Variants in HNF1B observed in about 807,000 individuals in gnomAD.
HNF1B encodes HNF1 homeobox B, also known as hepatocyte nuclear factor 1-beta.
Under a neutral mutation model 61.7 loss-of-function variants are expected in HNF1B, and 8 were observed. That is an observed-to-expected ratio of 0.13 (90% CI 0.08 to 0.23). HNF1B has a LOEUF of 0.23. Among genes scored for constraint, HNF1B ranks in the 10% least tolerant of loss-of-function variants. The probability of loss-of-function intolerance (pLI) is 1.00; values close to 1 mark genes in which losing one functional copy is unlikely to be tolerated. For missense variants in HNF1B, 562 were observed against 714.5 expected, an observed-to-expected ratio of 0.79 and a Z score of 2.43; for synonymous variants, 314 against 287.7, an observed-to-expected ratio of 1.09 and a Z score of -0.93.
intron 1 of HNF1B, among the ~76,000 whole-genome samples, chr17:37,739,976 AT>A (rs60510200): frequency 2.3e-4 from 34 of 151,002 alleles, no homozygotes; most frequent in African/African-American, 7.1e-4. Context: ...ATTTATTATT[AT>A]TTTTTTTGAT....
At chr17:37,706,367 T>A (rs2032748686) in intron 5 of HNF1B, among the ~76,000 whole-genome samples, 1 of 152,134 alleles carries the variant, frequency 6.6e-6, no homozygotes, top group Admixed American at 6.6e-5. Context: ...AGGGTTAGGA[T>A]GCACCAGATG....
intron 5 of HNF1B, among the ~76,000 whole-genome samples, chr17:37,707,852 C>A (rs1248235842): frequency 6.6e-6 from 1 of 151,680 alleles, no homozygotes; most frequent in African/African-American, 2.4e-5. Context: ...GACATTTGGG[C>A]ATGGGGGCGG....
chr17:37,726,707 A>G (rs1404562417), intron 4 of HNF1B, among the ~76,000 whole-genome samples: 2 of 152,170 alleles, frequency 1.3e-5, no homozygotes, highest in Non-Finnish European at 2.9e-5. Context: ...AGGGAAGTCA[A>G]GTCCACTGGG....
chr17:37,709,856 G>A (rs1313058705), intron 5 of HNF1B, among the ~76,000 whole-genome samples: 1 of 152,086 alleles, frequency 6.6e-6, no homozygotes, highest in African/African-American at 2.4e-5. Flanking sequence ...ACCTGCTCAG[G>A]CTACACAGCT....
chr17:37,687,394 T>C lies in HNF1B; in HGVS notation c.1654-2A>G. 6.2e-7 allele frequency: 1 copy of C among 1,610,914 alleles called. No individual in the cohort carries two copies. The highest frequency in any genetic ancestry group is 8.5e-7 in the Non-Finnish European group (1 of 1,177,256). On this transcript the variant is annotated splice_acceptor_variant, in intron 8 of 8. Transcript: ENST00000617811. LOFTEE classifies it high-confidence loss of function. ...GCATCACCAGGCTTGTAGAGGACAC[T>C]GCAGAGAGAGAGGAGAGAGGGTGCT... is the stretch of plus-strand genomic sequence containing the variant.
At chr17:37,742,686 G>T (rs2034030948) in intron 1 of HNF1B, among the ~76,000 whole-genome samples, 1 of 151,992 alleles carries the variant, frequency 6.6e-6, no homozygotes, top group African/African-American at 2.4e-5. Flanking sequence ...TGGGGCCTGG[G>T]GCTTTGGGGA....
chr17:37,692,818 A>G (rs896368952), intron 8 of HNF1B, among the ~76,000 whole-genome samples: 2 of 152,096 alleles, frequency 1.3e-5, no homozygotes, highest in African/African-American at 4.8e-5. Context: ...TGTGCTTGAG[A>G]GATGGTAGTA....
intron 4 of HNF1B, among the ~76,000 whole-genome samples, chr17:37,721,762 G>A (rs1284452126): frequency 2.7e-5 from 4 of 150,054 alleles, no homozygotes; most frequent in South Asian, 4.2e-4. Context: ...TCTGTCACCC[G>A]GGCTGTACTG....
At chr17:37,710,172 GGAT>G (rs150278993) in intron 5 of HNF1B, among the ~76,000 whole-genome samples, 16,954 of 152,160 alleles carry the variant, frequency 0.11, 1,175 homozygotes, top group Admixed American at 0.16. Flanking sequence ...TTGGGGGGAG[GGAT>G]GAATGAACAT....
chr17:37,693,423 C>A (rs1426859316), intron 8 of HNF1B, among the ~76,000 whole-genome samples: 1 of 152,102 alleles, frequency 6.6e-6, no homozygotes, highest in Non-Finnish European at 1.5e-5. Flanking sequence ...AGGTCACATA[C>A]CAGGGGGTGA....
intron 1 of HNF1B, 63 bp from the exon 2 acceptor site, chr17:37,739,702 TC>T (rs1462397945): frequency 7.3e-7 from 1 of 1,377,034 alleles, no homozygotes; most frequent in Non-Finnish European, 1.0e-6. Flanking sequence ...ACATTCTTTT[TC>T]TAGGGGGTGC....
chr17:37,714,378 G>C lies in HNF1B; in HGVS notation c.1046-3715C>G, dbSNP rs377464667. 5.3e-5 allele frequency among the ~76,000 whole-genome samples: 8 copies of C among 152,330 alleles called. No individual in the cohort carries two copies. In the South Asian group the frequency reaches 1.7e-3, roughly 32 times the overall value. On this transcript the variant is annotated intron_variant, in intron 4 of 8. Coordinates refer to ENST00000617811, the MANE Select transcript of HNF1B (RefSeq NM_000458.4). ...CATCTTCCCTTCTTCCTTCACCAAT[G>C]CAAGTTCTTAAAGTGAACATATGAC...
chr17:37,739,301 C>G, intron 2 of HNF1B, 139 bp downstream of exon 2: 2 of 809,082 alleles, frequency 2.5e-6, no homozygotes, highest in Admixed American at 3.9e-5. Context: ...ACCACCAAGG[C>G]CAAATCTACT....
chr17:37,724,948 A>G (rs976901774), intron 4 of HNF1B, among the ~76,000 whole-genome samples: 3 of 150,368 alleles, frequency 2.0e-5, no homozygotes, highest in African/African-American at 4.9e-5. Context: ...ATATATATAT[A>G]ATACATATAT....
chr17:37,744,694 G>A lies in HNF1B; in HGVS notation c.191C>T (p.Thr64Ile). Residue 64 changes from threonine (T) to isoleucine (I), a missense_variant, in exon 1 of 9, where the codon ACT (threonine) becomes ATT (isoleucine). This residue lies in a region of HNF1B where 148 missense variants were observed against 147.3 expected (regional missense o/e 1.00). Transcript: ENST00000617811. ...GCCCTTGGCGTGGCCGTTGGTGAGA[G>A]TATGGAAGACCGGCTTGGTGTCGGG... Reference protein sequence around the residue: ...AEPDTKPVFHTLTNGHAKGRL... With the variant: ...AEPDTKPVFHILTNGHAKGRL... The A allele has an allele frequency of 6.2e-7, 1 of 1,613,578 alleles. No individual in the cohort carries two copies. Among genetic ancestry groups the A allele is most frequent in the Non-Finnish European group, 8.5e-7 (1 of 1,180,046 alleles).
intron 4 of HNF1B, among the ~76,000 whole-genome samples, chr17:37,712,825 G>A (rs2032980497): frequency 6.6e-6 from 1 of 152,184 alleles, no homozygotes; most frequent in African/African-American, 2.4e-5. Flanking sequence ...CTTGCAAAAT[G>A]CCATATAAAT....
rs771134269 is a variant in HNF1B, at chr17:37,744,645, G to A, written c.240C>T (p.Ser80=). The A allele has an allele frequency of 6.2e-7, 1 of 1,612,648 alleles. No individual in the cohort carries two copies. Among genetic ancestry groups the A allele is most frequent in the South Asian group, 1.1e-5 (1 of 91,084 alleles). The change falls in exon 1 of 9, where the codon TCC becomes TCT. Residue 80 remains serine (S), a synonymous_variant. Transcript: ENST00000617811. The part of the protein sequence containing the change: ...AKGRLSGDEG[S]EDGDDYDTPP... The stretch of plus-strand genomic sequence containing the variant: ...GTGTGTCATAGTCGTCGCCGTCCTC[G>A]GAGCCCTCGTCGCCGGACAAGCGGC...
chr17:37,717,172 G>A (rs957932456), intron 4 of HNF1B, among the ~76,000 whole-genome samples: 2 of 152,254 alleles, frequency 1.3e-5, no homozygotes, highest in Admixed American at 6.5e-5. Context: ...AAACCTGGGG[G>A]TTCCTTTCAC....
At chr17:37,714,053 C>T (rs1443655298) in intron 4 of HNF1B, among the ~76,000 whole-genome samples, 2 of 152,232 alleles carry the variant, frequency 1.3e-5, no homozygotes, top group Non-Finnish European at 2.9e-5. Context: ...TAAATCTTGG[C>T]TCTACCCTGT....
Sources: gnomAD v4.1 joint callset for allele counts (sites outside exome capture counted in the v4.1 genomes callset) on GRCh38, gnomAD v4.1.1 for gene constraint, gnomAD v4.1.1 regional missense constraint, MANE v1.5 for transcripts, NCBI Gene and HGNC (gene_info 2026-07-23, HGNC 2026-07-21) for gene names.